Variants in MBD5 observed in about 807,000 individuals in gnomAD.
MBD5 encodes methyl-CpG binding domain protein 5.
MBD5 carries 13 observed loss-of-function variants against 117.3 expected under a neutral mutation model. The observed-to-expected ratio is 0.11, with a 90% CI of 0.07 to 0.18. MBD5 has a LOEUF of 0.18. Ranked by LOEUF, MBD5 falls within the 10% of genes least tolerant of loss-of-function variation. MBD5 has a pLI of 1.00. For missense variants in MBD5, 1,879 were observed against 2,093.8 expected (o/e 0.90, Z 2.00); for synonymous variants, 727 against 766.4 (o/e 0.95, Z 0.85).
intron 3 of MBD5, among the ~76,000 whole-genome samples, chr2:148,292,605 C>T (rs957975935): frequency 9.2e-5 from 14 of 152,100 alleles, no homozygotes; most frequent in African/African-American, 3.1e-4. Context: ...GGGAACCCTC[C>T]TACAATGTTG....
intron 3 of MBD5, among the ~76,000 whole-genome samples, chr2:148,278,941 G>A (rs1020408577): frequency 6.6e-6 from 1 of 152,204 alleles, no homozygotes; most frequent in Admixed American, 6.5e-5. Context: ...GTCAGGAGAA[G>A]GGTGTCATGA....
At chr2:148,185,746 T>C (rs1265901407) in intron 2 of MBD5, among the ~76,000 whole-genome samples, 4 of 152,080 alleles carry the variant, frequency 2.6e-5, no homozygotes, top group Non-Finnish European at 4.4e-5. Context: ...TACTAAAAAA[T>C]GTAAAAGTAA....
At chr2:148,209,672 C>T (rs1179042066) in intron 2 of MBD5, among the ~76,000 whole-genome samples, 1 of 152,070 alleles carries the variant, frequency 6.6e-6, no homozygotes, top group Non-Finnish European at 1.5e-5. Context: ...GCTCACAGTT[C>T]TGCAGGCTGT....
At chr2:148,365,164 T>G (rs62183972) in intron 4 of MBD5, among the ~76,000 whole-genome samples, 7,942 of 152,170 alleles carry the variant, frequency 0.052, 271 homozygotes, top group African/African-American at 0.087. Context: ...GCAATCAAAT[T>G]AGAACTCAGG....
chr2:148,489,361 A>C (rs201980665), intron 10 of MBD5, 25 bp from the exon 11 acceptor site: 4 of 1,613,660 alleles, frequency 2.5e-6, no homozygotes, highest in Non-Finnish European at 3.4e-6. Context: ...CCTTTCTCTC[A>C]CTGCTTCCTG....
chr2:148,222,589 T>C (rs1485410762), intron 2 of MBD5, among the ~76,000 whole-genome samples: 2 of 152,112 alleles, frequency 1.3e-5, no homozygotes, highest in African/African-American at 2.4e-5. Flanking sequence ...TGCTACTGTT[T>C]TTTGTAGGTG....
In MBD5 at chr2:148,469,216, A is replaced by G. The variant is rs754021768; in HGVS notation, c.1273A>G (p.Arg425Gly). 1 of 1,614,096 alleles carries G rather than the reference A, an allele frequency of 6.2e-7. No homozygotes were observed. The highest frequency in any genetic ancestry group is 8.5e-7 in the Non-Finnish European group (1 of 1,179,986). The change falls in exon 8 of 14, where the codon AGA (arginine) becomes GGA (glycine). Residue 425 changes from arginine to glycine, a missense_variant. By Grantham distance (125) the Arg-to-Gly change is moderately radical (BLOSUM62 -2). Transcript: ENST00000642680. The part of the protein sequence containing the change: ...GHMNHGSHVQ[R>G]VQHSASTSLS... ...CATGAATCATGGGAGTCATGTACAA[A>G]GAGTTCAGCATTCAGCTTCAACCTC...
chr2:148,086,038 T>C lies in MBD5; in HGVS notation c.-925+64354T>C, dbSNP rs190995153. ...TATATTTCCTATATGTGACTATTCT[T>C]ATATTTCACTACAGAGATGCTGATG... On this transcript the variant is annotated intron_variant, in intron 1 of 13. Coordinates refer to ENST00000642680, the MANE Select transcript of MBD5 (RefSeq NM_001378120.1). Among the ~76,000 whole-genome samples the C allele has an allele frequency of 3.8e-3, 584 of 152,298 alleles. 4 individuals are homozygous for C. The highest frequency in any genetic ancestry group is 0.013 in the African/African-American group (558 of 41,562).
intron 1 of MBD5, among the ~76,000 whole-genome samples, chr2:148,135,186 T>G (rs1260813917): frequency 6.6e-6 from 1 of 152,226 alleles, no homozygotes. Flanking sequence ...CTTTAGAATA[T>G]AGGAAGTTTA....
intron 1 of MBD5, among the ~76,000 whole-genome samples, chr2:148,128,917 T>C (rs1407392536): frequency 6.6e-6 from 1 of 152,224 alleles, no homozygotes; most frequent in African/African-American, 2.4e-5. Flanking sequence ...CTTAAGAAAA[T>C]GATCTGGCAT....
chr2:148,472,950 T>C (rs779947438), intron 8 of MBD5, among the ~76,000 whole-genome samples: 1 of 152,162 alleles, frequency 6.6e-6, no homozygotes, highest in Non-Finnish European at 1.5e-5. Context: ...TTCCGTATCA[T>C]ACATAACTGA....
chr2:148,044,039 C>A (rs1694448956), intron 1 of MBD5, among the ~76,000 whole-genome samples: 1 of 152,110 alleles, frequency 6.6e-6, no homozygotes, highest in Non-Finnish European at 1.5e-5. Context: ...AGTTTAACTT[C>A]AGATGTACGT....
At chr2:148,251,373 T>A (rs576175270) in intron 3 of MBD5, among the ~76,000 whole-genome samples, 21 of 152,336 alleles carry the variant, frequency 1.4e-4, no homozygotes, top group African/African-American at 3.8e-4. Context: ...AAGCCAAGAA[T>A]TTCCATGCAT....
chr2:148,257,401 A>G (rs1485791656), intron 3 of MBD5, among the ~76,000 whole-genome samples: 1 of 152,208 alleles, frequency 6.6e-6, no homozygotes, highest in Non-Finnish European at 1.5e-5. Flanking sequence ...ATATCCCAGG[A>G]GGCCCACAAA....
chr2:148,083,908 G>T (rs963057661), intron 1 of MBD5, among the ~76,000 whole-genome samples: 3 of 152,174 alleles, frequency 2.0e-5, no homozygotes, highest in African/African-American at 7.2e-5. Context: ...TTACAGGCAT[G>T]AGCCACTGCA....
intron 4 of MBD5, among the ~76,000 whole-genome samples, chr2:148,391,348 T>G (rs1329271783): frequency 6.6e-6 from 1 of 152,164 alleles, no homozygotes. Flanking sequence ...ACAAAAAAAT[T>G]TACAGGTTTA....
intron 1 of MBD5, among the ~76,000 whole-genome samples, chr2:148,102,152 C>T (rs182752672): frequency 4.6e-5 from 7 of 152,274 alleles, no homozygotes; most frequent in Admixed American, 4.6e-4. Context: ...CCTCAAAATA[C>T]TGTAAGAACA....
intron 1 of MBD5, among the ~76,000 whole-genome samples, chr2:148,112,380 T>C (rs1208704336): frequency 6.6e-6 from 1 of 152,226 alleles, no homozygotes; most frequent in Non-Finnish European, 1.5e-5. Flanking sequence ...TAAACTAAAA[T>C]GTTCTGTTCT....
intron 4 of MBD5, among the ~76,000 whole-genome samples, chr2:148,406,263 GT>G (rs1264956098): frequency 6.6e-6 from 1 of 152,116 alleles, no homozygotes; most frequent in Non-Finnish European, 1.5e-5. Flanking sequence ...TTGAAATATA[GT>G]TTTCCAATGT....
Sources: allele counts gnomAD v4.1 joint callset (sites outside exome capture counted in the v4.1 genomes callset), GRCh38; gene constraint gnomAD v4.1.1; transcripts MANE v1.5; gene names NCBI Gene and HGNC (gene_info 2026-07-23, HGNC 2026-07-21).